RSPO2: variants seen among roughly 807,000 people sequenced by gnomAD.
The protein encoded by RSPO2 is R-spondin-2.
RSPO2 carries 14 observed loss-of-function variants against 30.9 expected under a neutral mutation model. The observed-to-expected ratio is 0.45, with a 90% CI of 0.30 to 0.71. RSPO2 has a LOEUF of 0.71. Ranked by LOEUF, RSPO2 falls within the 30% of genes least tolerant of loss-of-function variation. The probability of loss-of-function intolerance (pLI) is 0.08; values close to 1 mark genes in which losing one functional copy is unlikely to be tolerated. For synonymous variants in RSPO2, 107 were observed against 96.4 expected (o/e 1.11, Z -0.64); for missense variants, 264 against 301.9 (o/e 0.87, Z 0.93).
chr8:107,901,179 G>A lies in RSPO2; in HGVS notation c.628C>T (p.Pro210Ser). The stretch of plus-strand genomic sequence containing the variant: ...TTGTTCCTCTTCTCCTTCGCCTTTG[G>A]TGTTCTCTTCCCTGCAATGAAGGAA... ...MRHCPGGKRTPKAKEKRNKKK... is the reference protein window; with the variant it reads ...MRHCPGGKRTSKAKEKRNKKK... Residue 210 changes from proline to serine, a missense_variant, in exon 6 of 6, where the codon CCA (proline) becomes TCA (serine). Physicochemically the swap from Pro to Ser is moderately conservative, Grantham distance 74. Coordinates refer to ENST00000276659, the MANE Select transcript of RSPO2 (RefSeq NM_178565.5). 2.5e-6 allele frequency: 4 copies of A among 1,613,244 alleles called. No homozygotes were observed. Among genetic ancestry groups the A allele is most frequent in the African/African-American group, 1.3e-5 (1 of 74,910 alleles).
intron 2 of RSPO2, among the ~76,000 whole-genome samples, chr8:108,037,248 T>C (rs1271844072): frequency 1.3e-5 from 2 of 152,128 alleles, no homozygotes; most frequent in East Asian, 3.9e-4. Flanking sequence ...AAAACACAGA[T>C]AGGTGAAACA....
chr8:107,981,539 G>A (rs1268667304), intron 3 of RSPO2, among the ~76,000 whole-genome samples: 1 of 151,720 alleles, frequency 6.6e-6, no homozygotes, highest in Non-Finnish European at 1.5e-5. Flanking sequence ...AAGAAAGAAA[G>A]ACAAGAAAAC....
intron 5 of RSPO2, among the ~76,000 whole-genome samples, chr8:107,929,904 C>T (rs1255274968): frequency 1.3e-5 from 2 of 152,060 alleles, no homozygotes; most frequent in African/African-American, 4.8e-5. Flanking sequence ...ACTGGATTAC[C>T]TCACCCCAAT....
At chr8:107,981,380 G>T (rs971498701) in intron 3 of RSPO2, among the ~76,000 whole-genome samples, 2 of 152,052 alleles carry the variant, frequency 1.3e-5, no homozygotes, top group Non-Finnish European at 2.9e-5. Flanking sequence ...ACTTAGCCAG[G>T]CATCGTGGCG....
chr8:107,913,397 C>A (rs191566041), intron 5 of RSPO2, among the ~76,000 whole-genome samples: 6 of 152,070 alleles, frequency 3.9e-5, no homozygotes, highest in Non-Finnish European at 8.8e-5. Context: ...TGATACAAGA[C>A]GAGGATAACC....
intron 3 of RSPO2, among the ~76,000 whole-genome samples, chr8:107,979,815 C>T (rs1487583342): frequency 6.6e-6 from 1 of 152,154 alleles, no homozygotes; most frequent in Non-Finnish European, 1.5e-5. Context: ...AGTACCACTG[C>T]CTTAGCTGAA....
chr8:107,978,596 A>T (rs1814301104), intron 3 of RSPO2, among the ~76,000 whole-genome samples: 1 of 152,230 alleles, frequency 6.6e-6, no homozygotes, highest in Non-Finnish European at 1.5e-5. Flanking sequence ...AACCTAGGCA[A>T]TACCACTCAG....
chr8:107,965,775 TGA>T (rs765986895), intron 3 of RSPO2, among the ~76,000 whole-genome samples: 41 of 152,180 alleles, frequency 2.7e-4, no homozygotes, highest in Admixed American at 5.2e-4. Flanking sequence ...GCATGCTTAG[TGA>T]GAGACTGATT....
intron 2 of RSPO2, among the ~76,000 whole-genome samples, chr8:108,038,958 TC>T (rs888880077): frequency 1.3e-5 from 2 of 152,198 alleles, no homozygotes; most frequent in Non-Finnish European, 1.5e-5. Context: ...ATTTATATTA[TC>T]AGTACCTAGG....
intron 2 of RSPO2, among the ~76,000 whole-genome samples, chr8:108,050,293 T>C (rs1315090976): frequency 2.0e-5 from 3 of 152,188 alleles, no homozygotes; most frequent in Non-Finnish European, 4.4e-5. Context: ...CATAAGATTT[T>C]GGATTTGAGG....
chr8:107,978,648 A>T (rs1814304599), intron 3 of RSPO2, among the ~76,000 whole-genome samples: 1 of 152,236 alleles, frequency 6.6e-6, no homozygotes, highest in Non-Finnish European at 1.5e-5. Flanking sequence ...AAACACCAAA[A>T]GCAATGGCAA....
chr8:108,081,871 G>A, intron 2 of RSPO2: 2 of 983,116 alleles, frequency 2.0e-6, no homozygotes, highest in Non-Finnish European at 2.4e-6. Context: ...ACAAACCTCT[G>A]GAGGCGAGGA....
At chr8:108,083,048 A>G (rs1225002256) in intron 1 of RSPO2, 149 bp downstream of exon 1, 1 of 175,862 alleles carries the variant, frequency 5.7e-6, no homozygotes, top group Non-Finnish European at 1.2e-5. Context: ...ACCCAGCGGC[A>G]TAATGCGTTG....
chr8:107,967,159 T>C (rs1474850639), intron 3 of RSPO2, among the ~76,000 whole-genome samples: 4 of 152,210 alleles, frequency 2.6e-5, no homozygotes, highest in Non-Finnish European at 5.9e-5. Context: ...GCCCACTGCG[T>C]GCTAAAATAT....
rs145372754 is a variant in RSPO2 at position 107,923,221 on chromosome 8, T to C, written c.617-22031A>G. On this transcript the variant is annotated intron_variant, in intron 5 of 5. Transcript: ENST00000276659. Reference sequence around the variant, plus strand: ...ATCCAGCATCTATAAGGAAATTAAATTTGTAAGGGAAAAAACAACCCCATT... The same window carrying C: ...ATCCAGCATCTATAAGGAAATTAAACTTGTAAGGGAAAAAACAACCCCATT... 3.2e-3 allele frequency among the ~76,000 whole-genome samples: 488 copies of C among 151,566 alleles called. 3 individuals carry two copies. Among genetic ancestry groups the C allele is most frequent in the Non-Finnish European group, 4.5e-3 (302 of 67,600 alleles).
At chr8:108,038,693 AAAGC>A (rs1811665264) in intron 2 of RSPO2, among the ~76,000 whole-genome samples, 1 of 152,066 alleles carries the variant, frequency 6.6e-6, no homozygotes, top group Non-Finnish European at 1.5e-5. Flanking sequence ...CATCAACATC[AAAGC>A]AAGACCCTCT....
intron 2 of RSPO2, among the ~76,000 whole-genome samples, chr8:108,010,946 T>C (rs548526814): frequency 6.6e-6 from 1 of 151,776 alleles, no homozygotes; most frequent in Non-Finnish European, 1.5e-5. Flanking sequence ...CTGAGCAATA[T>C]AGTGTGACCT....
At position 108,035,512 on chromosome 8, in the gene RSPO2, G is replaced by A. The variant is rs921070005; in HGVS notation, c.95-46268C>T. On this transcript the variant is annotated intron_variant, in intron 2 of 5. Transcript: ENST00000276659. ...TTGAGACGGAGTCTCGCTCTGTTGC[G>A]CAGGCTGGAGTGCAGTGGCGCGATC... Among the ~76,000 whole-genome samples the A allele has an allele frequency of 5.3e-5, 8 of 151,798 alleles. No individual in the cohort carries two copies. The East Asian group carries it at 7.7e-4, about 15-fold the overall frequency.
At chr8:108,055,528 G>T (rs756445866) in intron 2 of RSPO2, among the ~76,000 whole-genome samples, 2 of 152,140 alleles carry the variant, frequency 1.3e-5, no homozygotes, top group African/African-American at 2.4e-5. Context: ...GGACAGGTTC[G>T]GAAGATGGTG....
Sources: gnomAD v4.1 joint callset for allele counts (sites outside exome capture counted in the v4.1 genomes callset) on GRCh38, gnomAD v4.1.1 for gene constraint, MANE v1.5 for transcripts, NCBI Gene and HGNC (gene_info 2026-07-23, HGNC 2026-07-21) for gene names.